ASNS: variants seen among roughly 807,000 people sequenced by gnomAD.
ASNS encodes the protein asparagine synthetase (glutamine-hydrolyzing).
Under a neutral mutation model 62.6 loss-of-function variants are expected in ASNS, and 37 were observed. That is an observed-to-expected ratio of 0.59 (90% confidence interval 0.45 to 0.78). The LOEUF is 0.78. ASNS is among the 30% of genes least tolerant of loss of function. ASNS has a pLI of 0.00. For missense variants in ASNS, 520 were observed against 682.4 expected (o/e 0.76, Z 2.65); for synonymous variants, 207 against 237.9 (o/e 0.87, Z 1.19).
the ASNS span, among the ~76,000 whole-genome samples, chr7:97,896,347 G>A: frequency 2.0e-5 from 3 of 151,682 alleles, no homozygotes; most frequent in African/African-American, 7.3e-5. Context: ...CCAGCACTTT[G>A]GGAGGCCAAG....
the ASNS span, among the ~76,000 whole-genome samples, chr7:97,922,162 C>T: frequency 6.6e-6 from 1 of 152,024 alleles, no homozygotes; most frequent in Non-Finnish European, 1.5e-5. Flanking sequence ...TCCAGGAGTT[C>T]GAGACCAGCC....
rs1266571349 is a variant in ASNS, at chr7:97,859,283, C to T, written c.603G>A (p.Met201Ile). 1.2e-6 allele frequency: 2 copies of T among 1,614,012 alleles called. No individual in the cohort carries two copies. Among genetic ancestry groups the T allele is most frequent in the African/African-American group, 2.7e-5 (2 of 74,920 alleles). The change falls in exon 5 of 13, where the codon ATG becomes ATA. Residue 201 changes from methionine (M) to isoleucine (I), a missense_variant. Coordinates refer to ENST00000394308, the MANE Select transcript of ASNS (RefSeq NM_001673.5). ...KPNGKVASVEMVKYHHCRDVP... is the reference protein window; with the variant it reads ...KPNGKVASVEIVKYHHCRDVP... ...CATCCCGACAGTGATGATATTTAAC[C>T]ATTTCCACGGATGCAACTTTGCCAT...
chr7:97,901,547 A>G, the ASNS span, among the ~76,000 whole-genome samples: 1 of 152,222 alleles, frequency 6.6e-6, no homozygotes, highest in African/African-American at 2.4e-5. Flanking sequence ...CTGTGGTTCC[A>G]TACAAGTTTG....
the ASNS span, among the ~76,000 whole-genome samples, chr7:97,910,659 T>C: frequency 6.6e-6 from 1 of 151,748 alleles, no homozygotes; most frequent in Admixed American, 6.6e-5. Flanking sequence ...TGGCGTCCAG[T>C]GGTGCAATCT....
At chr7:97,915,889 C>T in the ASNS span, among the ~76,000 whole-genome samples, 1 of 152,170 alleles carries the variant, frequency 6.6e-6, no homozygotes, top group African/African-American at 2.4e-5. Flanking sequence ...TCAGCAATGA[C>T]TAAATAGAAA....
At chr7:97,878,937 CA>C in the ASNS span, among the ~76,000 whole-genome samples, 1 of 152,090 alleles carries the variant, frequency 6.6e-6, no homozygotes, top group Non-Finnish European at 1.5e-5. Context: ...GTACTGGTAC[CA>C]AAACAGAGAT....
intron 5 of ASNS, 95 bp downstream of exon 5, chr7:97,859,118 C>A: frequency 6.7e-7 from 1 of 1,495,718 alleles, no homozygotes. Flanking sequence ...GGAAGTAGGT[C>A]TTGAAACTAA....
the ASNS span, among the ~76,000 whole-genome samples, chr7:97,877,576 G>A: frequency 6.6e-6 from 1 of 152,142 alleles, no homozygotes; most frequent in Non-Finnish European, 1.5e-5. Context: ...CAGATGCTCA[G>A]TGTCCTCTTC....
At chr7:97,924,711 T>C in the ASNS span, among the ~76,000 whole-genome samples, 1 of 152,142 alleles carries the variant, frequency 6.6e-6, no homozygotes, top group Non-Finnish European at 1.5e-5. Flanking sequence ...GCCACCCAAA[T>C]CCACTCTGCA....
upstream of ASNS, among the ~76,000 whole-genome samples, chr7:97,872,914 A>G (rs1048994612): frequency 6.6e-6 from 1 of 152,238 alleles, no homozygotes; most frequent in Non-Finnish European, 1.5e-5. Context: ...CAGCCTGGGA[A>G]ACACAGCGAG....
chr7:97,855,118 T>C lies in ASNS; in HGVS notation c.1137+235A>G, dbSNP rs1791371157. On this transcript the variant is annotated intron_variant, in intron 9 of 12. Coordinates refer to ENST00000394308, the MANE Select transcript of ASNS (RefSeq NM_001673.5). ...TCAGCCTCCTCAGCAGCTGGGGGTA[T>C]GAGCATGAGCCCTCATACCCAGCTG... 12 of 446,018 alleles carry C rather than the reference T, an allele frequency of 2.7e-5. No individual in the cohort carries two copies. The South Asian group carries it at 3.5e-4, about 13-fold the overall frequency. The allele number at this position is 446,018 out of a possible 1,614,324, so 27.6% of individuals were successfully genotyped here.
the ASNS span, among the ~76,000 whole-genome samples, chr7:97,888,009 CTT>C: frequency 3.3e-3 from 507 of 152,342 alleles, 1 homozygote; most frequent in African/African-American, 0.011. Flanking sequence ...GGTTCTCCCT[CTT>C]TGCCTAGGCT....
At chr7:97,866,739 T>C (rs1791991573) in intron 3 of ASNS, among the ~76,000 whole-genome samples, 1 of 152,226 alleles carries the variant, frequency 6.6e-6, no homozygotes, top group Non-Finnish European at 1.5e-5. Context: ...ACTCACTCCA[T>C]AATTTGTGAA....
the ASNS span, among the ~76,000 whole-genome samples, chr7:97,881,874 C>A: frequency 1.8e-4 from 28 of 152,104 alleles, no homozygotes; most frequent in African/African-American, 6.7e-4. Flanking sequence ...CCCAACACAG[C>A]GTGACCGATT....
the ASNS span, among the ~76,000 whole-genome samples, chr7:97,887,328 T>C: frequency 6.6e-6 from 1 of 152,180 alleles, no homozygotes. Flanking sequence ...CACAAGTGCA[T>C]TCAACCAATA....
the ASNS span, chr7:97,899,154 A>T: frequency 6.0e-5 from 18 of 297,692 alleles, no homozygotes; most frequent in Admixed American, 2.4e-4. Context: ...GCTAAATTTT[A>T]TATTTTTGGT....
chr7:97,892,869 A>G, the ASNS span, among the ~76,000 whole-genome samples: 1 of 152,222 alleles, frequency 6.6e-6, no homozygotes, highest in African/African-American at 2.4e-5. Flanking sequence ...TCTCCTTCTG[A>G]GCCCTCCAAA....
At position 97,852,059 on chromosome 7, in the gene ASNS, G is replaced by A. The variant is rs1280039575; in HGVS notation, c.*200C>T. 1.6e-6 allele frequency: 1 copy of A among 607,632 alleles called. No homozygotes were observed. Among genetic ancestry groups the A allele is most frequent in the African/African-American group, 1.9e-5 (1 of 53,966 alleles). The allele number at this position is 607,632 out of a possible 1,614,324, so 37.6% of individuals were successfully genotyped here. On this transcript the variant is annotated 3_prime_UTR_variant, in exon 13 of 13. Transcript: ENST00000394308. ...CCTAGCTTACCCTCCACTTTACTGT[G>A]ATACAGCAAAACAGTTCTAGTTACC...
At chr7:97,916,984 C>T in the ASNS span, among the ~76,000 whole-genome samples, 6 of 152,126 alleles carry the variant, frequency 3.9e-5, no homozygotes, top group African/African-American at 1.2e-4. Flanking sequence ...CTCTAGGTGC[C>T]ACTAAAGTGG....
Sources: allele counts gnomAD v4.1 joint callset (sites outside exome capture counted in the v4.1 genomes callset), GRCh38; gene constraint gnomAD v4.1.1; transcripts MANE v1.5; gene names NCBI Gene and HGNC (gene_info 2026-07-23, HGNC 2026-07-21).